The following EYS variants were observed in gnomAD, a reference collection of about 807,000 sequenced individuals.
The protein encoded by EYS is protein eyes shut homolog.
Under a neutral mutation model 282.1 loss-of-function variants are expected in EYS, and 250 were observed. That is an observed-to-expected ratio of 0.89 (90% CI 0.80 to 0.98). The LOEUF is 0.98. EYS is among the 50% of genes least tolerant of loss of function. The probability of loss-of-function intolerance (pLI) is 0.00; values close to 1 mark genes in which losing one functional copy is unlikely to be tolerated. For synonymous variants in EYS, 1,355 were observed against 1,282.9 expected (o/e 1.06, Z -1.20); for missense variants, 4,016 against 3,709.0 (o/e 1.08, Z -2.15).
At chr6:64,570,168 C>T (rs1765681464) in intron 26 of EYS, among the ~76,000 whole-genome samples, 1 of 152,134 alleles carries the variant, frequency 6.6e-6, no homozygotes, top group Non-Finnish European at 1.5e-5. Flanking sequence ...AATTTCAACC[C>T]AGAATTTCAT....
chr6:65,177,915 A>C (rs1765267530), intron 12 of EYS, among the ~76,000 whole-genome samples: 1 of 151,974 alleles, frequency 6.6e-6, no homozygotes, highest in African/African-American at 2.4e-5. Flanking sequence ...ATGTATGAGA[A>C]TGATTTTTTT....
At chr6:64,276,308 A>G (rs1374098586) in intron 30 of EYS, among the ~76,000 whole-genome samples, 2 of 152,188 alleles carry the variant, frequency 1.3e-5, no homozygotes, top group Non-Finnish European at 2.9e-5. Flanking sequence ...TGTATTCTTC[A>G]AAAGTCATCC....
chr6:63,840,802 C>T (rs923455290), intron 36 of EYS, among the ~76,000 whole-genome samples: 2 of 152,078 alleles, frequency 1.3e-5, no homozygotes, highest in South Asian at 4.2e-4. Context: ...ACTGTCTTTT[C>T]CCTAGTGAAT....
intron 22 of EYS, among the ~76,000 whole-genome samples, chr6:64,706,994 GATACT>G (rs1398908801): frequency 6.6e-6 from 1 of 151,914 alleles, no homozygotes; most frequent in African/African-American, 2.4e-5. Context: ...ATACAAAAAA[GATACT>G]TGCACACACG....
intron 14 of EYS, among the ~76,000 whole-genome samples, chr6:64,997,257 C>T (rs993010188): frequency 7.9e-5 from 12 of 151,910 alleles, no homozygotes; most frequent in African/African-American, 1.5e-4. Flanking sequence ...AATAGGTGGC[C>T]GTTAAGACTC....
chr6:65,244,584 C>A lies in EYS; in HGVS notation c.2023+51279G>T, dbSNP rs1407371278. On this transcript the variant is annotated intron_variant, in intron 12 of 42. Coordinates refer to ENST00000503581, the MANE Select transcript of EYS (RefSeq NM_001142800.2). ...CTGGAGTGCAGTGGCGCGATCTCTG[C>A]TGACTGCAAGCTCTGCCTCCCGGGT... is the stretch of plus-strand genomic sequence containing the variant. 2.0e-5 allele frequency among the ~76,000 whole-genome samples: 3 copies of A among 152,230 alleles called. No individual in the cohort carries two copies. The East Asian group carries it at 5.8e-4, about 29-fold the overall frequency.
chr6:64,983,619 T>G (rs553163204), intron 14 of EYS, among the ~76,000 whole-genome samples: 2 of 151,542 alleles, frequency 1.3e-5, no homozygotes, highest in African/African-American at 4.8e-5. Context: ...TAAGGATTTC[T>G]CCTACTTTTT....
At chr6:65,117,736 A>T (rs997377694) in intron 12 of EYS, among the ~76,000 whole-genome samples, 1 of 152,210 alleles carries the variant, frequency 6.6e-6, no homozygotes, top group Admixed American at 6.5e-5. Flanking sequence ...GCAGACAACA[A>T]AAAAGAATGG....
Position 64,912,476 on chromosome 6 carries a change from G to A in EYS, c.2641+8C>T. 6.5e-7 allele frequency: 1 copy of A among 1,549,454 alleles called. No homozygotes were observed. Among genetic ancestry groups the A allele is most frequent in the Non-Finnish European group, 8.7e-7 (1 of 1,145,038 alleles). On this transcript the variant is annotated splice_region_variant and intron_variant, in intron 16 of 42. Coordinates refer to ENST00000503581, the MANE Select transcript of EYS (RefSeq NM_001142800.2). ...TTTAAAAACAATAAAATCCATATTAGCTCTTACCTTCTCTACAAATACAAT... is the reference window on the plus strand; with the variant it reads ...TTTAAAAACAATAAAATCCATATTAACTCTTACCTTCTCTACAAATACAAT...
intron 30 of EYS, among the ~76,000 whole-genome samples, chr6:64,281,755 A>G (rs1768316164): frequency 6.6e-6 from 1 of 152,134 alleles, no homozygotes; most frequent in Non-Finnish European, 1.5e-5. Flanking sequence ...GATTTTTCAT[A>G]TTAATTATTG....
chr6:65,383,740 A>G (rs1765701997), intron 8 of EYS, among the ~76,000 whole-genome samples: 1 of 151,826 alleles, frequency 6.6e-6, no homozygotes, highest in Non-Finnish European at 1.5e-5. Context: ...ATATTTTTAT[A>G]TTTGTAAGTA....
intron 39 of EYS, chr6:63,778,381 A>G: frequency 1.8e-6 from 1 of 561,376 alleles, no homozygotes; most frequent in Non-Finnish European, 3.1e-6. Context: ...ACAGCAGACA[A>G]CTATTAACAT....
At chr6:65,360,689 T>C (rs1215377430) in intron 8 of EYS, among the ~76,000 whole-genome samples, 1 of 152,118 alleles carries the variant, frequency 6.6e-6, no homozygotes. Flanking sequence ...ATAACTCTTC[T>C]CCAACTGTTA....
At chr6:64,229,693 A>G (rs1270280392) in intron 31 of EYS, among the ~76,000 whole-genome samples, 3 of 152,082 alleles carry the variant, frequency 2.0e-5, no homozygotes, top group African/African-American at 7.2e-5. Flanking sequence ...ATTGTGGAAG[A>G]AGGGTGGAAT....
In EYS at chr6:65,500,483, G is replaced by A. The variant is rs150358413; in HGVS notation, c.-332-4490C>T. Among the ~76,000 whole-genome samples, 362 of 151,986 alleles carry A rather than the reference G, an allele frequency of 2.4e-3. 3 individuals are homozygous for A. Among genetic ancestry groups the A allele is most frequent in the African/African-American group, 8.4e-3 (349 of 41,512 alleles). On this transcript the variant is annotated intron_variant, in intron 2 of 42. Coordinates refer to ENST00000503581, the MANE Select transcript of EYS (RefSeq NM_001142800.2). ...TAACTGGTCAGTTGATGCTATAAGC[G>A]CAGGTAGATTTGAGTGGTATGGTGG...
intron 22 of EYS, among the ~76,000 whole-genome samples, chr6:64,794,696 A>G (rs1198939329): frequency 6.6e-6 from 1 of 152,198 alleles, no homozygotes; most frequent in Non-Finnish European, 1.5e-5. Flanking sequence ...TGGCATATAC[A>G]TACATATTCA....
intron 22 of EYS, among the ~76,000 whole-genome samples, chr6:64,644,847 G>C (rs1768293982): frequency 6.6e-6 from 1 of 152,064 alleles, no homozygotes; most frequent in African/African-American, 2.4e-5. Flanking sequence ...CCTGTGCCAG[G>C]CAGCTCTGAA....
intron 11 of EYS, among the ~76,000 whole-genome samples, chr6:65,313,860 C>T (rs1159866003): frequency 2.0e-5 from 3 of 152,134 alleles, no homozygotes; most frequent in African/African-American, 7.2e-5. Flanking sequence ...TTATCCTCTG[C>T]TCAAAAGCCT....
chr6:65,651,992 C>A (rs1217631830), intron 1 of EYS, among the ~76,000 whole-genome samples: 1 of 151,868 alleles, frequency 6.6e-6, no homozygotes, highest in Non-Finnish European at 1.5e-5. Flanking sequence ...TCCCTAGGCT[C>A]CATCTCACTT....
Sources: gnomAD v4.1 joint callset for allele counts (sites outside exome capture counted in the v4.1 genomes callset) on GRCh38, gnomAD v4.1.1 for gene constraint, MANE v1.5 for transcripts, NCBI Gene and HGNC (gene_info 2026-07-23, HGNC 2026-07-21) for gene names.